Variants in SOX6 observed in about 807,000 individuals in gnomAD.
SOX6 encodes SRY-box transcription factor 6, also known as transcription factor SOX-6.
SOX6 carries 11 observed loss-of-function variants against 97.8 expected under a neutral mutation model. The observed-to-expected ratio is 0.11, with a 90% CI of 0.07 to 0.19. The LOEUF (loss-of-function observed/expected upper bound fraction) is 0.19, where lower values mean the gene tolerates loss of function less well. Among genes scored for constraint, SOX6 ranks in the 10% least tolerant of loss-of-function variants. SOX6 has a pLI of 1.00. For missense variants in SOX6, 810 were observed against 1,039.5 expected, an observed-to-expected ratio of 0.78 and a Z score of 3.04; for synonymous variants, 360 against 371.4, an observed-to-expected ratio of 0.97 and a Z score of 0.35.
Position 15,985,795 on chromosome 11 carries a change from A to G in SOX6, c.2183+409T>C, listed in dbSNP as rs76966182. 7.6e-3 allele frequency among the ~76,000 whole-genome samples: 1,157 copies of G among 152,292 alleles called. 17 individuals carry two copies. The highest frequency in any genetic ancestry group is 0.026 in the African/African-American group (1,075 of 41,560). ...GGCCAATTATCTTGTGGTAGATCCC[A>G]CAACAAAAGCAGACTATTGTGATTA... On this transcript the variant is annotated intron_variant, in intron 15 of 15. Coordinates refer to ENST00000683767, the MANE Select transcript of SOX6 (RefSeq NM_001367873.1).
At chr11:16,483,403 T>G (rs1244141427) in intron 4 of SOX6, among the ~76,000 whole-genome samples, 1 of 152,110 alleles carries the variant, frequency 6.6e-6, no homozygotes, top group Non-Finnish European at 1.5e-5. Context: ...GAAGTCTTGC[T>G]GAAAGGATTA....
In SOX6 at chr11:15,972,028, G is replaced by T. The variant is rs969547911; in HGVS notation, c.*781C>A. The T allele has an allele frequency of 6.6e-6, 1 of 152,602 alleles. No individual in the cohort carries two copies. Among genetic ancestry groups the T allele is most frequent in the Non-Finnish European group, 1.5e-5 (1 of 68,114 alleles). 9.5% of individuals were successfully genotyped at this position (152,602 alleles called of 1,614,324 possible). ...TGTCATACCACATCACGCACTGATG[G>T]CACGTCAACAGGCAAACACAATTGG... On this transcript the variant is annotated 3_prime_UTR_variant, in exon 16 of 16. Coordinates refer to ENST00000683767, the MANE Select transcript of SOX6 (RefSeq NM_001367873.1).
At chr11:16,484,198 G>T in intron 4 of SOX6, 1 of 803,430 alleles carries the variant, frequency 1.2e-6, no homozygotes, top group Non-Finnish European at 2.3e-6. Flanking sequence ...AGTTGGAGAT[G>T]CCAATAGCTT....
Position 16,605,200 on chromosome 11 carries a change from G to T in SOX6, n.609+6881C>A, listed in dbSNP as rs911694034. Among the ~76,000 whole-genome samples the T allele has an allele frequency of 2.0e-4, 31 of 151,980 alleles. No homozygotes were observed. Among genetic ancestry groups the T allele is most frequent in the African/African-American group, 6.8e-4 (28 of 41,414 alleles). ...GGTGGCGGGGCCCCGGCAGGGCGCC[G>T]AGAAGGACGGAGGGCGCCGGCTGGG... On this transcript the variant is annotated intron_variant and non_coding_transcript_variant, in intron 4 of 5. Coordinates refer to the SOX6 transcript ENST00000524520. The surrounding 1 kb of genome is among the most constrained non-coding windows in gnomAD (Gnocchi z 5.3).
At chr11:16,219,491 T>C (rs1325968802) in intron 4 of SOX6, among the ~76,000 whole-genome samples, 2 of 152,048 alleles carry the variant, frequency 1.3e-5, no homozygotes, top group African/African-American at 2.4e-5. Flanking sequence ...AGTATTTTAA[T>C]GCAGACATTT....
chr11:16,547,399 T>C, intron 4 of SOX6, among the ~76,000 whole-genome samples: 1 of 151,822 alleles, frequency 6.6e-6, no homozygotes, highest in East Asian at 1.9e-4. Flanking sequence ...AAGAAATATA[T>C]ATATACAAAC....
chr11:16,309,481 C>T (rs1162461515), intron 3 of SOX6, among the ~76,000 whole-genome samples: 3 of 151,504 alleles, frequency 2.0e-5, no homozygotes, highest in Admixed American at 6.6e-5. Context: ...ATTTAGCGAC[C>T]GATTGGAAAC....
Position 16,316,772 on chromosome 11 carries a change from TCTTA to T in SOX6, c.445+1670_445+1673del, listed in dbSNP as rs1565087534. On this transcript the variant is annotated intron_variant, in intron 3 of 15. Coordinates refer to ENST00000683767, the MANE Select transcript of SOX6 (RefSeq NM_001367873.1). ...ATCACAATTAAAAGTAATCTAGTGA[TCTTA>T]CTTATTCAGTAGATAATTATCTGGC... 3.3e-5 allele frequency: 5 copies of T among 152,206 alleles called. No homozygotes were observed. The South Asian group carries it at 8.3e-4, about 25-fold the overall frequency. 9.4% of individuals were successfully genotyped at this position (152,206 alleles called of 1,614,324 possible). A position where few individuals can be genotyped will look rare whatever the true frequency, so the allele number is the denominator to read the frequency against.
chr11:16,695,441 G>A (rs1164631989), intron 3 of SOX6, among the ~76,000 whole-genome samples: 1 of 152,132 alleles, frequency 6.6e-6, no homozygotes, highest in East Asian at 1.9e-4. Context: ...AAAATGAGTG[G>A]AGTAAATGAA....
intron 3 of SOX6, among the ~76,000 whole-genome samples, chr11:16,252,778 G>A (rs1853554927): frequency 6.6e-6 from 1 of 151,998 alleles, no homozygotes; most frequent in Non-Finnish European, 1.5e-5. Flanking sequence ...TTCCACTTGG[G>A]AGAAGGAAAA....
In SOX6 at chr11:16,439,343, A is replaced by G. The variant is rs548605503; in HGVS notation, c.-5+36972T>C. On this transcript the variant is annotated intron_variant, in intron 1 of 15. Transcript: ENST00000396356. ...TATTTCTATCTTCTATTTTAAGTAG[A>G]ATCTCATGCATTCATTTTATACCAC... 2.0e-4 allele frequency among the ~76,000 whole-genome samples: 31 copies of G among 152,310 alleles called. No homozygotes were observed. In the South Asian group the frequency reaches 6.4e-3, roughly 32 times the overall value.
chr11:16,019,034 T>C (rs1564909931), intron 12 of SOX6, among the ~76,000 whole-genome samples: 3 of 152,118 alleles, frequency 2.0e-5, no homozygotes, highest in African/African-American at 4.8e-5. Context: ...TAAATAACAG[T>C]TTGCTTGCCA....
At chr11:16,098,476 T>A (rs546313613) in intron 7 of SOX6, among the ~76,000 whole-genome samples, 1 of 151,954 alleles carries the variant, frequency 6.6e-6, no homozygotes, top group Admixed American at 6.6e-5. Context: ...CTTCAGATCA[T>A]TCCTAAAAAG....
At chr11:16,243,209 T>G (rs926012102) in intron 3 of SOX6, among the ~76,000 whole-genome samples, 1 of 152,002 alleles carries the variant, frequency 6.6e-6, no homozygotes, top group African/African-American at 2.4e-5. Flanking sequence ...TTTTATATTC[T>G]TCTCATGTAT....
At chr11:16,037,960 C>G (rs977952550) in intron 12 of SOX6, among the ~76,000 whole-genome samples, 2 of 151,994 alleles carry the variant, frequency 1.3e-5, no homozygotes, top group Non-Finnish European at 2.9e-5. Flanking sequence ...TTATAGCAGG[C>G]CTTTCATATC....
At chr11:16,526,695 T>A (rs1332224494) in intron 4 of SOX6, among the ~76,000 whole-genome samples, 1 of 152,116 alleles carries the variant, frequency 6.6e-6, no homozygotes, top group Non-Finnish European at 1.5e-5. Context: ...AATGTGATAC[T>A]AACTTTAAAA....
intron 9 of SOX6, among the ~76,000 whole-genome samples, chr11:16,078,954 T>C (rs1848415359): frequency 6.6e-6 from 1 of 152,222 alleles, no homozygotes; most frequent in South Asian, 2.1e-4. Flanking sequence ...ATGTCAGGTG[T>C]CAGAAAGATA....
chr11:15,988,849 G>T, intron 14 of SOX6, 148 bp downstream of exon 14: 1 of 738,328 alleles, frequency 1.4e-6, no homozygotes. Context: ...GATGACGAAG[G>T]CTCCTGCGGC....
At chr11:16,457,012 A>G (rs1234650657) in intron 1 of SOX6, among the ~76,000 whole-genome samples, 6 of 152,108 alleles carry the variant, frequency 3.9e-5, no homozygotes, top group Non-Finnish European at 8.8e-5. Flanking sequence ...GTGAAATAAA[A>G]ACTGATTTTT....
Sources: gnomAD v4.1 joint callset for allele counts (sites outside exome capture counted in the v4.1 genomes callset) on GRCh38, gnomAD v4.1.1 for gene constraint, Gnocchi (gnomAD v3.1) non-coding constraint, MANE v1.5 for transcripts, NCBI Gene and HGNC (gene_info 2026-07-23, HGNC 2026-07-21) for gene names.